Variants in HIVEP2 observed in about 807,000 individuals in gnomAD.
HIVEP2 encodes HIVEP zinc finger 2.
A neutral mutation model predicts 180.7 loss-of-function variants in HIVEP2; 14 were observed. That is an observed-to-expected ratio of 0.08 (90% CI 0.05 to 0.12). The LOEUF (loss-of-function observed/expected upper bound fraction) is 0.12, where lower values mean the gene tolerates loss of function less well. Among genes scored for constraint, HIVEP2 ranks in the 10% least tolerant of loss-of-function variants. The pLI is 1.00. For missense variants in HIVEP2, 2,579 were observed against 3,008.5 expected, an observed-to-expected ratio of 0.86 and a Z score of 3.34; for synonymous variants, 1,184 against 1,136.4, an observed-to-expected ratio of 1.04 and a Z score of -0.84.
rs1187325097 is a variant in HIVEP2 at position 142,774,643 on chromosome 6, A to G, written c.96T>C (p.Ala32=). The G allele has an allele frequency of 6.2e-7, 1 of 1,614,180 alleles. No homozygotes were observed. The highest frequency in any genetic ancestry group is 8.5e-7 in the Non-Finnish European group (1 of 1,180,022). ...TGCCAAAAGTGCTCATCTTAATAAC[A>G]GCTGATTGTTCCTGTCTCCATCTAC... ...ASGRWRQEQS[A]VIKMSTFGSH... Residue 32 remains alanine, a synonymous_variant, in exon 5 of 10, where the codon GCT becomes GCC. Coordinates refer to ENST00000367603, the MANE Select transcript of HIVEP2 (RefSeq NM_006734.4). This position sits in a 1 kb window ranked among gnomAD's most constrained non-coding sequence, Gnocchi z 5.1.
chr6:142,805,807 C>A (rs1480393769), intron 2 of HIVEP2, among the ~76,000 whole-genome samples: 1 of 152,090 alleles, frequency 6.6e-6, no homozygotes, highest in African/African-American at 2.4e-5. Flanking sequence ...TTATGAAACA[C>A]CAATATGTAG....
chr6:142,813,508 C>A (rs1309603524), intron 2 of HIVEP2, among the ~76,000 whole-genome samples: 1 of 150,948 alleles, frequency 6.6e-6, no homozygotes, highest in South Asian at 2.1e-4. Flanking sequence ...ATTATTAAAT[C>A]ATTTAAATTC....
intron 2 of HIVEP2, among the ~76,000 whole-genome samples, chr6:142,832,736 G>A (rs1464655130): frequency 6.6e-6 from 1 of 152,180 alleles, no homozygotes; most frequent in Non-Finnish European, 1.5e-5. Flanking sequence ...CGGAACTCCA[G>A]AGGCCATTCT....
intron 7 of HIVEP2, among the ~76,000 whole-genome samples, chr6:142,763,649 T>C (rs1775308756): frequency 6.6e-6 from 1 of 152,222 alleles, no homozygotes; most frequent in South Asian, 2.1e-4. Flanking sequence ...GACTATTGAA[T>C]TGCAATATTC....
At chr6:142,935,375 C>G (rs1778027526) in intron 1 of HIVEP2, among the ~76,000 whole-genome samples, 1 of 152,092 alleles carries the variant, frequency 6.6e-6, no homozygotes, top group Admixed American at 6.5e-5. Context: ...ATGGCAAAAC[C>G]CTGTCTCCAC....
At position 142,773,840 on chromosome 6, in the gene HIVEP2, G is replaced by A. The variant is rs1318064424; in HGVS notation, c.899C>T (p.Pro300Leu). Residue 300 changes from proline to leucine, a missense_variant, in exon 5 of 10, where the codon CCC (proline) becomes CTC (leucine). Physicochemically the swap from Pro to Leu is moderately conservative, Grantham distance 98. Coordinates refer to ENST00000367603, the MANE Select transcript of HIVEP2 (RefSeq NM_006734.4). The part of the protein sequence containing the change: ...EASDKMSPGP[P>L]IPLDIASRGG... Reference sequence around the variant, plus strand: ...TCTGCTGGCAATGTCCAGTGGGATGGGTGGACCAGGACTCATTTTGTCAGA... The same window carrying A: ...TCTGCTGGCAATGTCCAGTGGGATGAGTGGACCAGGACTCATTTTGTCAGA... 3 of 1,613,402 alleles carry A rather than the reference G, an allele frequency of 1.9e-6. No homozygotes were observed. Among genetic ancestry groups the A allele is most frequent in the Admixed American group, 3.3e-5 (2 of 60,012 alleles).
chr6:142,753,687 G>A lies in HIVEP2; in HGVS notation c.6761C>T (p.Pro2254Leu). 3 of 1,614,168 alleles carry A rather than the reference G, an allele frequency of 1.9e-6. No homozygotes were observed. Among genetic ancestry groups the A allele is most frequent in the Non-Finnish European group, 1.7e-6 (2 of 1,180,036 alleles). ...CTCCTCAAAGCCCTCCATTGGCAGG[G>A]GCAATGTGGGTGAAGGATGTAAACT... ...LSSLHPSPTL[P>L]LPMEGFEEKK... The change falls in exon 10 of 10, where the codon CCC becomes CTC. Residue 2254 changes from proline to leucine, a missense_variant. By Grantham distance (98) the Pro-to-Leu change is moderately conservative. This residue lies in a region of HIVEP2 where 660 missense variants were observed against 731.7 expected (regional missense o/e 0.90). Transcript: ENST00000367603.
Position 142,842,769 on chromosome 6 carries a change from G to A in HIVEP2, c.-640-5722C>T, listed in dbSNP as rs909429948. On this transcript the variant is annotated intron_variant, in intron 1 of 9. Coordinates refer to ENST00000367603, the MANE Select transcript of HIVEP2 (RefSeq NM_006734.4). ...AAAAAAAAAAGTAACTAAGGAAAAG[G>A]AAATCGTACTTTCTGCTTCTTAGTA... is the stretch of plus-strand genomic sequence containing the variant. 3.3e-5 allele frequency among the ~76,000 whole-genome samples: 5 copies of A among 152,098 alleles called. No individual in the cohort carries two copies. In the South Asian group the frequency reaches 1.0e-3, roughly 32 times the overall value.
chr6:142,763,589 A>C (rs1775305842), intron 7 of HIVEP2, among the ~76,000 whole-genome samples: 1 of 152,226 alleles, frequency 6.6e-6, no homozygotes, highest in Non-Finnish European at 1.5e-5. Flanking sequence ...TCACACAACT[A>C]TACCTGCAGC....
chr6:142,835,003 C>T (rs1775188544), intron 2 of HIVEP2, among the ~76,000 whole-genome samples: 1 of 152,066 alleles, frequency 6.6e-6, no homozygotes, highest in African/African-American at 2.4e-5. Flanking sequence ...GAAAATATAC[C>T]TAGCTCTTTG....
At chr6:142,787,406 T>C (rs1776027520) in intron 2 of HIVEP2, among the ~76,000 whole-genome samples, 1 of 152,004 alleles carries the variant, frequency 6.6e-6, no homozygotes, top group African/African-American at 2.4e-5. Context: ...TGAACACTAC[T>C]CTTCACTAGA....
chr6:142,882,217 C>A (rs1776588914), intron 1 of HIVEP2, among the ~76,000 whole-genome samples: 1 of 152,194 alleles, frequency 6.6e-6, no homozygotes, highest in Non-Finnish European at 1.5e-5. Flanking sequence ...AAGGTGACTA[C>A]AGTGAAGTAT....
At position 142,770,822 on chromosome 6, in the gene HIVEP2, G is replaced by A. The variant is rs1311894293; in HGVS notation, c.3917C>T (p.Thr1306Ile). 1.9e-6 allele frequency: 3 copies of A among 1,614,110 alleles called. No individual in the cohort carries two copies. The highest frequency in any genetic ancestry group is 2.5e-6 in the Non-Finnish European group (3 of 1,180,048). ...AAGAACCTGCTCAGAGGGCGTTTCA[G>A]TTGACTTACTGCTCTGGTCTGATGG... ...KFPSDQSSKS[T>I]ETPSEQVLQE... Residue 1306 changes from threonine to isoleucine, a missense_variant, in exon 5 of 10, where the codon ACT (threonine) becomes ATT (isoleucine). Around this residue, in one of 11 missense-constraint regions of HIVEP2, gnomAD observed 523 missense variants for 577.0 expected, o/e 0.91. Coordinates refer to ENST00000367603, the MANE Select transcript of HIVEP2 (RefSeq NM_006734.4). This position sits in a 1 kb window ranked among gnomAD's most constrained non-coding sequence, Gnocchi z 4.7.
chr6:142,856,139 T>A (rs188749639), intron 1 of HIVEP2, among the ~76,000 whole-genome samples: 7 of 151,952 alleles, frequency 4.6e-5, no homozygotes, highest in Admixed American at 4.6e-4. Flanking sequence ...TTTTACCACA[T>A]CCTGGTAAGG....
chr6:142,753,731 G>A lies in HIVEP2; in HGVS notation c.6717C>T (p.Ser2239=). 1 of 1,614,188 alleles carries A rather than the reference G, an allele frequency of 6.2e-7. No homozygotes were observed. Among genetic ancestry groups the A allele is most frequent in the Non-Finnish European group, 8.5e-7 (1 of 1,180,030 alleles). Reference sequence around the variant, plus strand: ...GTAAACTGGAAAGGGCTGGCGGCATGGAGTGAACCATCTGGATCCCACCAA... The same window carrying A: ...GTAAACTGGAAAGGGCTGGCGGCATAGAGTGAACCATCTGGATCCCACCAA... ...VPVGGIQMVH[S]MPPALSSLHP... Residue 2239 remains serine, a synonymous_variant, in exon 10 of 10, where the codon TCC becomes TCT. Coordinates refer to ENST00000367603, the MANE Select transcript of HIVEP2 (RefSeq NM_006734.4).
intron 1 of HIVEP2, among the ~76,000 whole-genome samples, chr6:142,874,195 G>A (rs1006033102): frequency 6.6e-6 from 1 of 151,958 alleles, no homozygotes; most frequent in African/African-American, 2.4e-5. Context: ...AAAAAACAAT[G>A]TTCACTTCCT....
chr6:142,833,023 C>T (rs1775132584), intron 2 of HIVEP2, among the ~76,000 whole-genome samples: 1 of 152,178 alleles, frequency 6.6e-6, no homozygotes, highest in Non-Finnish European at 1.5e-5. Flanking sequence ...ATAGTGGCCA[C>T]ATCCACAACG....
intron 7 of HIVEP2, among the ~76,000 whole-genome samples, chr6:142,762,146 G>C (rs977667984): frequency 2.6e-5 from 4 of 152,020 alleles, no homozygotes; most frequent in African/African-American, 9.7e-5. Context: ...CTACTCATAG[G>C]GAGCATTATT....
Position 142,768,492 on chromosome 6 carries a change from C to T in HIVEP2, c.5232G>A (p.Arg1744=). The T allele has an allele frequency of 6.2e-6, 10 of 1,613,276 alleles. No individual in the cohort carries two copies. The highest frequency in any genetic ancestry group is 7.6e-6 in the Non-Finnish European group (9 of 1,179,578). Reference sequence around the variant, plus strand: ...CCTTTAAGATATTTCCCACTAGTTTCCTTTCTAGTTTGCTGCCAAATAAAA... The same window carrying T: ...CCTTTAAGATATTTCCCACTAGTTTTCTTTCTAGTTTGCTGCCAAATAAAA... ...ASFLFGSKLE[R]KLVGNILKER... The change falls in exon 6 of 10, where the codon AGG becomes AGA. Residue 1744 remains arginine (R), a synonymous_variant. Coordinates refer to ENST00000367603, the MANE Select transcript of HIVEP2 (RefSeq NM_006734.4).
Sources: allele counts gnomAD v4.1 joint callset (sites outside exome capture counted in the v4.1 genomes callset), GRCh38; gene constraint gnomAD v4.1.1; regional missense constraint gnomAD v4.1.1; non-coding constraint Gnocchi (gnomAD v3.1); transcripts MANE v1.5; gene names NCBI Gene and HGNC (gene_info 2026-07-23, HGNC 2026-07-21).